Variants in GNPNAT1 observed in about 807,000 individuals in gnomAD.
The protein encoded by GNPNAT1 is glucosamine 6-phosphate N-acetyltransferase.
Under a neutral mutation model 19.8 loss-of-function variants are expected in GNPNAT1, and 11 were observed. The observed-to-expected ratio is 0.56, with a 90% CI of 0.35 to 0.92. The LOEUF (loss-of-function observed/expected upper bound fraction) is 0.92, where lower values mean the gene tolerates loss of function less well. Among genes scored for constraint, GNPNAT1 ranks in the 40% least tolerant of loss-of-function variants. GNPNAT1 has a pLI of 0.01. For synonymous variants in GNPNAT1, 71 were observed against 72.3 expected, an observed-to-expected ratio of 0.98 and a Z score of 0.09; for missense variants, 157 against 211.0, an observed-to-expected ratio of 0.74 and a Z score of 1.59.
intron 1 of GNPNAT1, among the ~76,000 whole-genome samples, chr14:52,789,955 T>A (rs185256684): frequency 2.2e-3 from 308 of 140,462 alleles, no homozygotes; most frequent in African/African-American, 8.0e-3. Flanking sequence ...AAGACTTACC[T>A]GTAGGTCACA....
chr14:52,783,229 C>T (rs1882934964), intron 3 of GNPNAT1, among the ~76,000 whole-genome samples, 194 bp downstream of exon 3: 1 of 152,014 alleles, frequency 6.6e-6, no homozygotes. Flanking sequence ...AGATAGTTTG[C>T]AAAAACAAAG....
At position 52,777,887 on chromosome 14, in the gene GNPNAT1, G is replaced by T. The variant is rs1235898368; in HGVS notation, c.*424C>A. ...AACAATACACCCCTAAGTGTATTGA[G>T]ATGTTTCTTTGAAACAAAAATATTT... On this transcript the variant is annotated 3_prime_UTR_variant, in exon 6 of 6. Coordinates refer to ENST00000216410, the MANE Select transcript of GNPNAT1 (RefSeq NM_198066.4). 6.5e-6 allele frequency: 1 copy of T among 152,994 alleles called. No homozygotes were observed. Among genetic ancestry groups the T allele is most frequent in the Non-Finnish European group, 1.5e-5 (1 of 68,622 alleles). 9.5% of individuals were successfully genotyped at this position (152,994 alleles called of 1,614,324 possible).
intron 5 of GNPNAT1, among the ~76,000 whole-genome samples, chr14:52,779,932 A>G (rs937887835): frequency 4.6e-5 from 7 of 152,054 alleles, no homozygotes; most frequent in African/African-American, 1.7e-4. Flanking sequence ...CCCACCTGTA[A>G]TCCCAGCACT....
chr14:52,782,401 G>A (rs954413900), intron 3 of GNPNAT1, among the ~76,000 whole-genome samples: 4 of 152,068 alleles, frequency 2.6e-5, no homozygotes, highest in African/African-American at 9.7e-5. Flanking sequence ...GTGATGGAAA[G>A]TGTTTTGTGA....
In GNPNAT1 at chr14:52,790,551, G is replaced by A. The variant is rs180860163; in HGVS notation, c.-15+877C>T. Among the ~76,000 whole-genome samples, 4 of 152,288 alleles carry A rather than the reference G, an allele frequency of 2.6e-5. No homozygotes were observed. The East Asian group carries it at 7.7e-4, about 29-fold the overall frequency. ...CCAGTCTACCGATGAGGAAGCTGGAGCACCTGGAACTCCCAAGACTTGCCC... is the reference window on the plus strand; with the variant it reads ...CCAGTCTACCGATGAGGAAGCTGGAACACCTGGAACTCCCAAGACTTGCCC... On this transcript the variant is annotated intron_variant, in intron 1 of 5. Coordinates refer to ENST00000216410, the MANE Select transcript of GNPNAT1 (RefSeq NM_198066.4).
intron 4 of GNPNAT1, 34 bp from the exon 5 acceptor site, chr14:52,780,774 A>G (rs1243238749): frequency 7.4e-7 from 1 of 1,352,412 alleles, no homozygotes; most frequent in African/African-American, 1.4e-5. Context: ...AGGAGTAAGC[A>G]TTTACTTTTG....
At chr14:52,785,962 G>T (rs1883007487) in intron 1 of GNPNAT1, among the ~76,000 whole-genome samples, 2 of 149,948 alleles carry the variant, frequency 1.3e-5, no homozygotes. Context: ...TGTCAGCCAG[G>T]CTGGTCTCAA....
chr14:52,791,322 G>C lies in GNPNAT1; in HGVS notation c.-15+106C>G, dbSNP rs1364351312. The C allele has an allele frequency of 1.3e-5, 2 of 152,500 alleles. No homozygotes were observed. The highest frequency in any genetic ancestry group is 6.5e-5 in the Admixed American group (1 of 15,278). 9.4% of individuals were successfully genotyped at this position (152,500 alleles called of 1,614,324 possible). A position where few individuals can be genotyped will look rare whatever the true frequency, so the allele number is the denominator to read the frequency against. ...CTCCACACAACACCCCCGGGGGCCT[G>C]GCCGGGGCACCAGACACACCTGTTA... On this transcript the variant is annotated intron_variant, in intron 1 of 5. Transcript: ENST00000216410. This position sits in a 1 kb window ranked among gnomAD's most constrained non-coding sequence, Gnocchi z 4.1.
At chr14:52,778,544 A>C in intron 5 of GNPNAT1, 86 bp from the exon 6 acceptor site, 3 of 1,193,294 alleles carry the variant, frequency 2.5e-6, no homozygotes, top group Non-Finnish European at 3.5e-6. Context: ...AATGTTATAA[A>C]ACTTAAGTTT....
At chr14:52,784,322 T>C (rs1427432098) in intron 2 of GNPNAT1, among the ~76,000 whole-genome samples, 175 bp downstream of exon 2, 1 of 152,224 alleles carries the variant, frequency 6.6e-6, no homozygotes, top group Non-Finnish European at 1.5e-5. Context: ...CACAGTAATA[T>C]TTGGTCTTAG....
intron 5 of GNPNAT1, among the ~76,000 whole-genome samples, chr14:52,780,011 A>G (rs184119035): frequency 6.6e-6 from 1 of 151,950 alleles, no homozygotes; most frequent in Non-Finnish European, 1.5e-5. Flanking sequence ...CATCTCTACA[A>G]ATTTTTAAAA....
At position 52,776,127 on chromosome 14, in the gene GNPNAT1, G is replaced by A. The variant is rs1882710048; in HGVS notation, c.*2184C>T. 6.6e-6 allele frequency: 1 copy of A among 152,532 alleles called. No individual in the cohort carries two copies. Among genetic ancestry groups the A allele is most frequent in the Non-Finnish European group, 1.5e-5 (1 of 68,414 alleles). The allele number at this position is 152,532 out of a possible 1,614,324, so 9.4% of individuals were successfully genotyped here. On this transcript the variant is annotated 3_prime_UTR_variant, in exon 6 of 6. Coordinates refer to ENST00000216410, the MANE Select transcript of GNPNAT1 (RefSeq NM_198066.4). ...ATTGAAGCGGCAGTGTGTGGTGATT[G>A]TGCCCCTGCGCTCTAGCCTGGGCAA... is the stretch of plus-strand genomic sequence containing the variant.
intron 1 of GNPNAT1, among the ~76,000 whole-genome samples, chr14:52,790,687 G>C (rs1250975433): frequency 6.6e-6 from 1 of 152,112 alleles, no homozygotes; most frequent in Non-Finnish European, 1.5e-5. Context: ...ATACCATACA[G>C]CTAGCGCTCT....
At chr14:52,789,986 CAAA>C (rs200756037) in intron 1 of GNPNAT1, among the ~76,000 whole-genome samples, 20 of 107,232 alleles carry the variant, frequency 1.9e-4, no homozygotes, top group South Asian at 8.0e-4. Flanking sequence ...TCCAGAAGGA[CAAA>C]AAAAAAAAAA....
At position 52,789,613 on chromosome 14, in the gene GNPNAT1, CAA is replaced by C. The variant is rs1246976780; in HGVS notation, c.-15+1813_-15+1814del. On this transcript the variant is annotated intron_variant, in intron 1 of 5. Coordinates refer to ENST00000216410, the MANE Select transcript of GNPNAT1 (RefSeq NM_198066.4). ...GCTGGTGCCCAACTAAGGTACTGGG[CAA>C]AGTGAAGCAAGATATGACTTGAAAC... 2.0e-5 allele frequency among the ~76,000 whole-genome samples: 3 copies of C among 152,118 alleles called. No homozygotes were observed. The East Asian group carries it at 5.8e-4, about 29-fold the overall frequency.
At chr14:52,789,938 A>C (rs1428095870) in intron 1 of GNPNAT1, among the ~76,000 whole-genome samples, 1 of 151,574 alleles carries the variant, frequency 6.6e-6, no homozygotes, top group African/African-American at 2.4e-5. Flanking sequence ...GTGAATGAAT[A>C]ACGAATAAGA....
chr14:52,782,719 G>A (rs1882922205), intron 3 of GNPNAT1, among the ~76,000 whole-genome samples: 1 of 151,994 alleles, frequency 6.6e-6, no homozygotes, highest in South Asian at 2.1e-4. Context: ...ATGAGAATCA[G>A]AATGATGGTC....
In GNPNAT1 at chr14:52,784,532, A is replaced by T. The variant is rs1453437307; in HGVS notation, c.119T>A (p.Val40Asp). 1.2e-6 allele frequency: 2 copies of T among 1,606,684 alleles called. No homozygotes were observed. Among genetic ancestry groups the T allele is most frequent in the Non-Finnish European group, 1.7e-6 (2 of 1,177,566 alleles). The change falls in exon 2 of 6, where the codon GTT becomes GAT. Residue 40 changes from valine (V) to aspartate (D), a missense_variant. Physicochemically the swap from Val to Asp is radical, Grantham distance 152. Coordinates refer to ENST00000216410, the MANE Select transcript of GNPNAT1 (RefSeq NM_198066.4). ...ISPTHPGEGL[V>D]LRPLCTADLN... Reference sequence around the variant, plus strand: ...GTCAGCAGTACAAAGAGGCCTCAAAACCAAGCCTTCTCCAGGATGTGTTGG... The same window carrying T: ...GTCAGCAGTACAAAGAGGCCTCAAATCCAAGCCTTCTCCAGGATGTGTTGG...
In GNPNAT1 at chr14:52,776,724, T is replaced by G. The variant is rs1882733993; in HGVS notation, c.*1587A>C. 6.6e-6 allele frequency: 1 copy of G among 152,034 alleles called. No individual in the cohort carries two copies. Among genetic ancestry groups the G allele is most frequent in the African/African-American group, 2.4e-5 (1 of 41,372 alleles). 9.4% of individuals were successfully genotyped at this position (152,034 alleles called of 1,614,324 possible). The stretch of plus-strand genomic sequence containing the variant: ...GCGCATGCCACCACGTCTGGCTAAT[T>G]TTTCTTTTTTTTAGTAGAGACAGGG... On this transcript the variant is annotated 3_prime_UTR_variant, in exon 6 of 6. Coordinates refer to ENST00000216410, the MANE Select transcript of GNPNAT1 (RefSeq NM_198066.4).
Sources: gnomAD v4.1 joint callset for allele counts (sites outside exome capture counted in the v4.1 genomes callset) on GRCh38, gnomAD v4.1.1 for gene constraint, Gnocchi (gnomAD v3.1) non-coding constraint, MANE v1.5 for transcripts, NCBI Gene and HGNC (gene_info 2026-07-23, HGNC 2026-07-21) for gene names.